Variants in DPYD observed in about 807,000 individuals in gnomAD.
The protein encoded by DPYD is dihydropyrimidine dehydrogenase, also known as dihydropyrimidine dehydrogenase [NADP(+)].
DPYD carries 109 observed loss-of-function variants against 116.2 expected under a neutral mutation model. The observed-to-expected ratio is 0.94, with a 90% CI of 0.80 to 1.10. The LOEUF is 1.10. DPYD is among the 50% of genes least tolerant of loss of function. The pLI is 0.00. For missense variants in DPYD, 1,302 were observed against 1,254.5 expected (o/e 1.04, Z -0.57); for synonymous variants, 440 against 432.0 (o/e 1.02, Z -0.23).
intron 2 of DPYD, among the ~76,000 whole-genome samples, chr1:97,845,698 G>A (rs1670262751): frequency 6.6e-6 from 1 of 152,174 alleles, no homozygotes; most frequent in South Asian, 2.1e-4. Context: ...TGCTCGCCAG[G>A]TTGTGGGAGA....
intron 8 of DPYD, among the ~76,000 whole-genome samples, chr1:97,669,515 T>C (rs1659745015): frequency 6.6e-6 from 1 of 152,138 alleles, no homozygotes; most frequent in African/African-American, 2.4e-5. Context: ...AAAAACTGAT[T>C]TGATATAAAT....
chr1:97,318,772 A>G (rs1198081439), intron 16 of DPYD, among the ~76,000 whole-genome samples: 5 of 149,652 alleles, frequency 3.3e-5, no homozygotes, highest in African/African-American at 1.2e-4. Flanking sequence ...AATCAACAGA[A>G]TATACATTTT....
chr1:97,469,343 C>T lies in DPYD; in HGVS notation c.1741-19120G>A, dbSNP rs138950624. On this transcript the variant is annotated intron_variant, in intron 13 of 22. Transcript: ENST00000370192. The stretch of plus-strand genomic sequence containing the variant: ...AATGAGTGATTTATATACACTGCAG[C>T]CTTCCAGAATTCCAACTTGTTAGCT... 3.5e-3 allele frequency among the ~76,000 whole-genome samples: 479 copies of T among 136,190 alleles called. 1 individual carries two copies. Among genetic ancestry groups the T allele is most frequent in the African/African-American group, 0.012 (421 of 36,440 alleles). The allele number at this position is 136,190 out of a possible 152,430, so 89.3% of individuals were successfully genotyped here. A position where few individuals can be genotyped will look rare whatever the true frequency, so the allele number is the denominator to read the frequency against.
chr1:97,838,770 G>A lies in DPYD; in HGVS notation c.151-10574C>T, dbSNP rs534776591. Among the ~76,000 whole-genome samples the A allele has an allele frequency of 3.9e-5, 6 of 152,280 alleles. No homozygotes were observed. In the South Asian group the frequency reaches 1.0e-3, roughly 26 times the overall value. On this transcript the variant is annotated intron_variant, in intron 2 of 22. Coordinates refer to ENST00000370192, the MANE Select transcript of DPYD (RefSeq NM_000110.4). ...TGAGGCAGGAGAATGGCGTGAACCCGGGAGGCGGAGCTTGCAGTGAGCCGA... is the reference window on the plus strand; with the variant it reads ...TGAGGCAGGAGAATGGCGTGAACCCAGGAGGCGGAGCTTGCAGTGAGCCGA...
At chr1:97,336,966 G>A (rs1177181326) in intron 16 of DPYD, among the ~76,000 whole-genome samples, 4 of 152,120 alleles carry the variant, frequency 2.6e-5, no homozygotes, top group African/African-American at 4.8e-5. Flanking sequence ...TACATGAAAA[G>A]GGAGATGATT....
intron 2 of DPYD, among the ~76,000 whole-genome samples, chr1:97,871,923 G>C (rs1199570704): frequency 6.6e-6 from 1 of 151,712 alleles, no homozygotes; most frequent in East Asian, 1.9e-4. Flanking sequence ...TTATATATAT[G>C]CCAACCACGA....
At chr1:97,408,999 C>A (rs769088441) in intron 14 of DPYD, among the ~76,000 whole-genome samples, 1 of 152,126 alleles carries the variant, frequency 6.6e-6, no homozygotes, top group Non-Finnish European at 1.5e-5. Context: ...GGGACTTGGA[C>A]TGGTTCCCTT....
chr1:97,329,876 A>G (rs939238053), intron 16 of DPYD, among the ~76,000 whole-genome samples: 10 of 149,992 alleles, frequency 6.7e-5, no homozygotes, highest in African/African-American at 2.5e-4. Flanking sequence ...CATTTTTACC[A>G]TGTTTGTGAC....
At chr1:97,393,843 T>C (rs1215997362) in intron 14 of DPYD, among the ~76,000 whole-genome samples, 1 of 152,148 alleles carries the variant, frequency 6.6e-6, no homozygotes, top group African/African-American at 2.4e-5. Context: ...TATTTCTAGT[T>C]CTAGATCCTT....
At chr1:97,854,238 T>G (rs1670708895) in intron 2 of DPYD, among the ~76,000 whole-genome samples, 1 of 152,234 alleles carries the variant, frequency 6.6e-6, no homozygotes. Context: ...ACACAAGAGA[T>G]TTCTGCAAAG....
intron 2 of DPYD, among the ~76,000 whole-genome samples, chr1:97,829,752 T>C (rs543789190): frequency 5.3e-5 from 8 of 152,190 alleles, no homozygotes; most frequent in Admixed American, 2.6e-4. Context: ...CTTTTTTTTA[T>C]TTCTTTTTTT....
chr1:97,782,115 T>A (rs1666779587), intron 3 of DPYD, among the ~76,000 whole-genome samples: 1 of 152,224 alleles, frequency 6.6e-6, no homozygotes, highest in African/African-American at 2.4e-5. Context: ...TTTAAGTTGT[T>A]GAGGAAGTAA....
At chr1:97,655,422 C>T (rs1658849947) in intron 8 of DPYD, among the ~76,000 whole-genome samples, 1 of 152,190 alleles carries the variant, frequency 6.6e-6, no homozygotes, top group African/African-American at 2.4e-5. Flanking sequence ...TTTGTGACTG[C>T]TGTTTCAGCT....
intron 14 of DPYD, among the ~76,000 whole-genome samples, chr1:97,390,087 A>G (rs1005386515): frequency 6.6e-6 from 1 of 152,082 alleles, no homozygotes; most frequent in Admixed American, 6.6e-5. Flanking sequence ...ATGGCTTACA[A>G]TAACATGCAG....
At chr1:97,308,964 T>TA (rs1231316346) in intron 16 of DPYD, among the ~76,000 whole-genome samples, 1 of 151,834 alleles carries the variant, frequency 6.6e-6, no homozygotes, top group African/African-American at 2.4e-5. Context: ...TTCTGGGCAC[T>TA]AAAAAATATA....
At chr1:97,798,100 T>C (rs766416011) in intron 3 of DPYD, 1 of 152,066 alleles carries the variant, frequency 6.6e-6, no homozygotes, top group South Asian at 2.1e-4. Context: ...AAGTGGAACA[T>C]AATAGATTTT....
intron 1 of DPYD, among the ~76,000 whole-genome samples, chr1:97,908,111 T>A (rs1384654512): frequency 6.6e-6 from 1 of 152,050 alleles, no homozygotes; most frequent in Non-Finnish European, 1.5e-5. Context: ...AGTGGTGTAA[T>A]CATGGCTTAC....
chr1:97,401,743 C>T (rs1673389248), intron 14 of DPYD, among the ~76,000 whole-genome samples: 1 of 152,044 alleles, frequency 6.6e-6, no homozygotes, highest in Admixed American at 6.6e-5. Flanking sequence ...TCTGTGTTAT[C>T]TTGTAGGAAT....
intron 14 of DPYD, among the ~76,000 whole-genome samples, chr1:97,402,424 T>C (rs1186738661): frequency 6.6e-6 from 1 of 152,154 alleles, no homozygotes; most frequent in Non-Finnish European, 1.5e-5. Context: ...ACTTTTTCAT[T>C]GTTGGTACAG....
Sources: allele counts gnomAD v4.1 joint callset (sites outside exome capture counted in the v4.1 genomes callset), GRCh38; gene constraint gnomAD v4.1.1; transcripts MANE v1.5; gene names NCBI Gene and HGNC (gene_info 2026-07-23, HGNC 2026-07-21).